GDAP1: variants seen among roughly 807,000 people sequenced by gnomAD.
GDAP1 encodes the protein ganglioside induced differentiation associated protein 1, also known as ganglioside-induced differentiation-associated protein 1.
Under a neutral mutation model 40.1 loss-of-function variants are expected in GDAP1, and 34 were observed. That is an observed-to-expected ratio of 0.85 (90% CI 0.64 to 1.13). The LOEUF (loss-of-function observed/expected upper bound fraction) is 1.13. Among genes scored for constraint, GDAP1 ranks in the 50% most tolerant of loss-of-function variants. The probability of loss-of-function intolerance (pLI) is 0.00; values close to 1 mark genes in which losing one functional copy is unlikely to be tolerated. For synonymous variants in GDAP1, 170 were observed against 157.4 expected, an observed-to-expected ratio of 1.08 and a Z score of -0.60; for missense variants, 374 against 433.7, an observed-to-expected ratio of 0.86 and a Z score of 1.22.
chr8:74,358,633 CTT>C (rs1809212907), intron 2 of GDAP1, among the ~76,000 whole-genome samples: 1 of 152,168 alleles, frequency 6.6e-6, no homozygotes, highest in Non-Finnish European at 1.5e-5. Context: ...CTACTGTACA[CTT>C]GAGAGAGAAT....
chr8:74,372,284 G>A (rs143856413), intron 2 of GDAP1, among the ~76,000 whole-genome samples: 8,561 of 152,128 alleles, frequency 0.056, 284 homozygotes, highest in East Asian at 0.12. Context: ...GTATATACCC[G>A]GTAATGGGAT....
At chr8:74,470,260 T>G (rs1334986823) in intron 2 of GDAP1, among the ~76,000 whole-genome samples, 1 of 152,216 alleles carries the variant, frequency 6.6e-6, no homozygotes, top group African/African-American at 2.4e-5. Flanking sequence ...TGCTTTTATT[T>G]TATTTATTAT....
At chr8:74,486,739 GAT>G (rs1563482626) in intron 2 of GDAP1, among the ~76,000 whole-genome samples, 1 of 152,132 alleles carries the variant, frequency 6.6e-6, no homozygotes, top group East Asian at 1.9e-4. Context: ...AAGGCCCCAT[GAT>G]ATTCCCTGTT....
At chr8:74,429,866 A>C (rs898165856) in intron 2 of GDAP1, among the ~76,000 whole-genome samples, 1 of 152,116 alleles carries the variant, frequency 6.6e-6, no homozygotes, top group Non-Finnish European at 1.5e-5. Context: ...ATTTAGAAAA[A>C]ATATAACTTT....
intron 2 of GDAP1, among the ~76,000 whole-genome samples, chr8:74,352,104 G>T (rs186243952): frequency 6.6e-6 from 1 of 152,192 alleles, no homozygotes; most frequent in Non-Finnish European, 1.5e-5. Flanking sequence ...TTATGTAAAT[G>T]AGGAGAAAGC....
intron 2 of GDAP1, among the ~76,000 whole-genome samples, chr8:74,426,870 T>C (rs1415639200): frequency 6.6e-6 from 1 of 152,238 alleles, no homozygotes; most frequent in Non-Finnish European, 1.5e-5. Context: ...CTTTTCTGTG[T>C]TGCCCTTACT....
intron 2 of GDAP1, among the ~76,000 whole-genome samples, chr8:74,385,938 G>C (rs1232163388): frequency 1.3e-5 from 2 of 152,298 alleles, no homozygotes; most frequent in Non-Finnish European, 2.9e-5. Context: ...CTAATGAACA[G>C]TGATGATGAG....
chr8:74,451,343 A>T lies in GDAP1; in HGVS notation c.166-37335A>T, dbSNP rs556140923. ...TGCATGCCTGTAATCCCAGCTACTCAGGAGGCTGAGGCAGGAGAATCGCTT... is the reference window on the plus strand; with the variant it reads ...TGCATGCCTGTAATCCCAGCTACTCTGGAGGCTGAGGCAGGAGAATCGCTT... On this transcript the variant is annotated intron_variant, in intron 2 of 2. Coordinates refer to the GDAP1 transcript ENST00000523640. 7.7e-4 allele frequency among the ~76,000 whole-genome samples: 62 copies of T among 80,372 alleles called. 23 individuals carry two copies. Among genetic ancestry groups the T allele is most frequent in the Non-Finnish European group, 1.3e-3 (53 of 39,948 alleles). The allele number at this position is 80,372 out of a possible 152,430, so 52.7% of individuals were successfully genotyped here.
chr8:74,417,276 C>T (rs1346708180), intron 2 of GDAP1, among the ~76,000 whole-genome samples: 3 of 150,034 alleles, frequency 2.0e-5, no homozygotes, highest in Non-Finnish European at 2.9e-5. Flanking sequence ...TCTATAAAAA[C>T]TTTAGAGCCA....
downstream of GDAP1, chr8:74,367,106 A>AAAG (rs1490619870): frequency 5.2e-6 from 1 of 192,430 alleles, no homozygotes; most frequent in Non-Finnish European, 1.1e-5. Flanking sequence ...CTCAAAAAAA[A>AAAG]AAAAAAAGAA....
chr8:74,355,721 A>G (rs1448624929), intron 2 of GDAP1, among the ~76,000 whole-genome samples: 2 of 152,214 alleles, frequency 1.3e-5, no homozygotes, highest in Non-Finnish European at 2.9e-5. Flanking sequence ...ACTAGAACAT[A>G]TGTATTACTA....
At chr8:74,462,112 T>C (rs577332441) in intron 2 of GDAP1, among the ~76,000 whole-genome samples, 2 of 152,332 alleles carry the variant, frequency 1.3e-5, no homozygotes, top group South Asian at 2.1e-4. Context: ...AAACAAACTT[T>C]ATTATTTTAA....
At chr8:74,400,392 T>G (rs1318722744) in intron 2 of GDAP1, among the ~76,000 whole-genome samples, 1 of 149,844 alleles carries the variant, frequency 6.7e-6, no homozygotes, top group Non-Finnish European at 1.5e-5. Context: ...TTTTTTTGTT[T>G]TCCGTTTGCT....
chr8:74,451,813 A>T (rs1245182199), intron 2 of GDAP1, among the ~76,000 whole-genome samples: 3 of 80,954 alleles, frequency 3.7e-5, no homozygotes, highest in Non-Finnish European at 7.4e-5. Context: ...CTACTGATGT[A>T]ACCATAAGTG....
At chr8:74,380,176 C>G (rs1256587859) in intron 2 of GDAP1, among the ~76,000 whole-genome samples, 3 of 145,144 alleles carry the variant, frequency 2.1e-5, no homozygotes, top group African/African-American at 7.5e-5. Context: ...TATTTTTCTT[C>G]TTTTACAAAG....
chr8:74,454,953 G>A (rs1024764028), intron 2 of GDAP1, among the ~76,000 whole-genome samples: 1 of 151,928 alleles, frequency 6.6e-6, no homozygotes, highest in African/African-American at 2.4e-5. Context: ...TTGTCTACGG[G>A]ATTGGGGCTG....
intron 2 of GDAP1, among the ~76,000 whole-genome samples, chr8:74,417,052 C>T (rs1805792510): frequency 2.0e-5 from 3 of 148,788 alleles, no homozygotes; most frequent in African/African-American, 7.8e-5. Flanking sequence ...GGTACTTCTT[C>T]TCCCCCTCAT....
chr8:74,412,557 CA>C (rs1805727736), intron 2 of GDAP1, among the ~76,000 whole-genome samples: 1 of 149,620 alleles, frequency 6.7e-6, no homozygotes, highest in Non-Finnish European at 1.5e-5. Flanking sequence ...GATTTGTCAA[CA>C]AAAAGAAATA....
At chr8:74,464,334 A>G (rs1806440641) in intron 2 of GDAP1, among the ~76,000 whole-genome samples, 1 of 152,230 alleles carries the variant, frequency 6.6e-6, no homozygotes, top group Non-Finnish European at 1.5e-5. Flanking sequence ...TTGTAGCATT[A>G]TAGCAGAGGG....
Sources: allele counts gnomAD v4.1 joint callset (sites outside exome capture counted in the v4.1 genomes callset), GRCh38; gene constraint gnomAD v4.1.1; transcripts MANE v1.5; gene names NCBI Gene and HGNC (gene_info 2026-07-23, HGNC 2026-07-21).